TLCD4: variants seen among roughly 807,000 people sequenced by gnomAD.
TLCD4 encodes TLC domain containing 4.
A neutral mutation model predicts 24.2 loss-of-function variants in TLCD4; 7 were observed. The observed-to-expected ratio is 0.29, with a 90% CI of 0.16 to 0.54. The LOEUF is 0.54. Ranked by LOEUF, TLCD4 falls within the 20% of genes least tolerant of loss-of-function variation. The pLI, the probability that TLCD4 is intolerant of heterozygous loss-of-function variation, is 0.95. For synonymous variants in TLCD4, 103 were observed against 106.4 expected (o/e 0.97, Z 0.20); for missense variants, 259 against 313.9 (o/e 0.82, Z 1.32).
At chr1:95,169,440 A>G (rs1022326929) in intron 5 of TLCD4, among the ~76,000 whole-genome samples, 6 of 152,242 alleles carry the variant, frequency 3.9e-5, no homozygotes, top group Non-Finnish European at 8.8e-5. Context: ...AAAGTTGTTT[A>G]GATGAACATA....
chr1:95,153,781 GGA>G (rs1677553666), intron 5 of TLCD4, among the ~76,000 whole-genome samples: 1 of 152,110 alleles, frequency 6.6e-6, no homozygotes, highest in Non-Finnish European at 1.5e-5. Context: ...TGAAGGACCT[GGA>G]GATGTCAGCC....
At chr1:95,147,928 A>G (rs1557684362) in intron 2 of TLCD4, among the ~76,000 whole-genome samples, 1 of 152,194 alleles carries the variant, frequency 6.6e-6, no homozygotes, top group Non-Finnish European at 1.5e-5. Context: ...AACAAGATAT[A>G]TTCATAGAAA....
the TLCD4 span, among the ~76,000 whole-genome samples, chr1:95,104,575 G>A: frequency 6.6e-6 from 1 of 150,614 alleles, no homozygotes; most frequent in Admixed American, 6.6e-5. Context: ...TGAGGCAGAC[G>A]AGTGGCATGA....
chr1:95,162,386 T>C (rs1413151718), intron 5 of TLCD4, among the ~76,000 whole-genome samples: 1 of 139,362 alleles, frequency 7.2e-6, no homozygotes, highest in Non-Finnish European at 1.7e-5. Context: ...ATTTTGAGTG[T>C]ATGTGTGTCT....
Position 95,195,253 on chromosome 1 carries a change from C to T in TLCD4, c.*3385C>T, listed in dbSNP as rs189964465. On this transcript the variant is annotated 3_prime_UTR_variant, in exon 7 of 7. Coordinates refer to ENST00000370203, the MANE Select transcript of TLCD4 (RefSeq NM_152487.3). ...AGAGCCAGGTTTACTGTTGGTTGCA[C>T]CATCTGTTATCAGGCATGCAGAAAC... 5.9e-5 allele frequency: 9 copies of T among 152,170 alleles called. No homozygotes were observed. Among genetic ancestry groups the T allele is most frequent in the African/African-American group, 2.2e-4 (9 of 41,524 alleles). The allele number at this position is 152,170 out of a possible 1,614,324, so 9.4% of individuals were successfully genotyped here.
At chr1:95,191,149 A>T (rs548420904) in intron 6 of TLCD4, among the ~76,000 whole-genome samples, 36 of 152,264 alleles carry the variant, frequency 2.4e-4, no homozygotes, top group African/African-American at 8.4e-4. Context: ...TTTTTGTGTA[A>T]GGTGTGAGAT....
intron 5 of TLCD4, among the ~76,000 whole-genome samples, chr1:95,157,911 C>T (rs1363893542): frequency 1.3e-5 from 2 of 152,170 alleles, no homozygotes; most frequent in African/African-American, 4.8e-5. Flanking sequence ...AATAAGACCA[C>T]CTCTTGATAC....
rs1316794584 is a variant in TLCD4, at chr1:95,191,935, C to T, written c.*67C>T. The T allele has an allele frequency of 3.9e-6, 6 of 1,532,944 alleles. No individual in the cohort carries two copies. Among genetic ancestry groups the T allele is most frequent in the Non-Finnish European group, 5.2e-6 (6 of 1,146,212 alleles). The allele number at this position is 1,532,944 out of a possible 1,614,324, so 95.0% of individuals were successfully genotyped here. On this transcript the variant is annotated 3_prime_UTR_variant, in exon 7 of 7. Coordinates refer to ENST00000370203, the MANE Select transcript of TLCD4 (RefSeq NM_152487.3). ...ATCTGCTGATAGGATGAATTCTTGG[C>T]ATGTTCTTGTGTACCTTTCTTAATT...
chr1:95,173,110 C>T (rs541030123), intron 5 of TLCD4, among the ~76,000 whole-genome samples: 58 of 152,222 alleles, frequency 3.8e-4, no homozygotes, highest in East Asian at 2.3e-3. Flanking sequence ...ATATATTTTT[C>T]AGAACAAACA....
intron 1 of TLCD4, chr1:95,138,198 T>TA (rs1235430649): frequency 6.6e-6 from 1 of 152,224 alleles, no homozygotes; most frequent in Non-Finnish European, 1.5e-5. Context: ...ACCCTACACT[T>TA]ACCACTTTGT....
At chr1:95,157,881 T>G (rs893483033) in intron 5 of TLCD4, among the ~76,000 whole-genome samples, 2 of 152,156 alleles carry the variant, frequency 1.3e-5, no homozygotes, top group Middle Eastern at 3.2e-3. Flanking sequence ...CTAAGGGCAG[T>G]TCAGATTTAA....
intron 5 of TLCD4, among the ~76,000 whole-genome samples, chr1:95,152,822 T>C (rs1283749985): frequency 3.9e-5 from 6 of 152,232 alleles, no homozygotes; most frequent in African/African-American, 1.4e-4. Context: ...TGATCTCTTA[T>C]TCTAAGAGAA....
At chr1:95,154,831 A>G (rs771674441) in intron 5 of TLCD4, among the ~76,000 whole-genome samples, 1 of 149,370 alleles carries the variant, frequency 6.7e-6, no homozygotes, top group Non-Finnish European at 1.5e-5. Flanking sequence ...TTCCATTAAT[A>G]GGTAATAGAC....
At chr1:95,105,894 TA>T in the TLCD4 span, among the ~76,000 whole-genome samples, 107 of 115,376 alleles carry the variant, frequency 9.3e-4, 1 homozygote, top group Middle Eastern at 4.6e-3. Context: ...GACTCCGTCT[TA>T]AAAAAAAAAA....
chr1:95,136,198 A>G (rs772528259), intron 1 of TLCD4, among the ~76,000 whole-genome samples: 5 of 152,164 alleles, frequency 3.3e-5, no homozygotes, highest in Non-Finnish European at 5.9e-5. Context: ...TGCTTGATCA[A>G]AAGATGCACT....
At chr1:95,188,389 GAAAAAA>G in intron 6 of TLCD4, among the ~76,000 whole-genome samples, 1 of 104,506 alleles carries the variant, frequency 9.6e-6, no homozygotes, top group Non-Finnish European at 1.8e-5. Context: ...CTCCGTCTCA[GAAAAAA>G]AAAAAAAAAA....
At chr1:95,108,216 T>C in the TLCD4 span, among the ~76,000 whole-genome samples, 2 of 152,200 alleles carry the variant, frequency 1.3e-5, 1 homozygote, top group Admixed American at 1.3e-4. Context: ...TCCTTGCTTA[T>C]GCTATTATTG....
chr1:95,120,273 A>C (rs1340543945), intron 1 of TLCD4: 1 of 152,268 alleles, frequency 6.6e-6, no homozygotes, highest in Admixed American at 6.5e-5. Context: ...CAGAGAATAC[A>C]TTACATTAGG....
At chr1:95,154,899 C>T (rs1677590767) in intron 5 of TLCD4, among the ~76,000 whole-genome samples, 1 of 149,272 alleles carries the variant, frequency 6.7e-6, no homozygotes, top group African/African-American at 2.4e-5. Flanking sequence ...CAGTCTATTA[C>T]CTGTTAAAAA....
Sources: allele counts gnomAD v4.1 joint callset (sites outside exome capture counted in the v4.1 genomes callset), GRCh38; gene constraint gnomAD v4.1.1; transcripts MANE v1.5; gene names NCBI Gene and HGNC (gene_info 2026-07-23, HGNC 2026-07-21).